The following COX10 variants were observed in gnomAD, a reference collection of about 807,000 sequenced individuals.
COX10 encodes the protein cytochrome c oxidase assembly factor heme A:farnesyltransferase COX10, also known as protoheme IX farnesyltransferase, mitochondrial.
COX10 carries 27 observed loss-of-function variants against 37.3 expected under a neutral mutation model. The ratio of observed to expected loss-of-function variants is 0.72; its 90% CI spans 0.53 to 1.00. The LOEUF (loss-of-function observed/expected upper bound fraction) is 1.00, where lower values mean the gene tolerates loss of function less well. Among genes scored for constraint, COX10 ranks in the 50% least tolerant of loss-of-function variants. The probability of loss-of-function intolerance (pLI) is 0.00; values close to 1 mark genes in which losing one functional copy is unlikely to be tolerated. For missense variants in COX10, 475 were observed against 563.2 expected, an observed-to-expected ratio of 0.84 and a Z score of 1.59; for synonymous variants, 222 against 229.1, an observed-to-expected ratio of 0.97 and a Z score of 0.28.
intron 5 of COX10, among the ~76,000 whole-genome samples, chr17:14,178,952 G>A (rs934900608): frequency 6.6e-6 from 1 of 152,210 alleles, no homozygotes; most frequent in African/African-American, 2.4e-5. Context: ...GAAGGATCCA[G>A]GGCAGCTTCC....
At chr17:14,185,307 C>G (rs1273867581) in intron 5 of COX10, among the ~76,000 whole-genome samples, 1 of 142,970 alleles carries the variant, frequency 7.0e-6, no homozygotes, top group Non-Finnish European at 1.5e-5. Context: ...TAATCAAAGG[C>G]TGAATGGTAT....
intron 5 of COX10, among the ~76,000 whole-genome samples, chr17:14,180,154 TC>T (rs1905813156): frequency 6.6e-6 from 1 of 151,530 alleles, no homozygotes; most frequent in Non-Finnish European, 1.5e-5. Context: ...GGCACACTAG[TC>T]TAGCAGACGG....
intron 3 of COX10, among the ~76,000 whole-genome samples, chr17:14,087,797 G>T (rs1915444191): frequency 6.6e-6 from 1 of 151,244 alleles, no homozygotes; most frequent in African/African-American, 2.4e-5. Flanking sequence ...GTATGTCTGT[G>T]TCCAGCCTCT....
intron 5 of COX10, chr17:14,177,372 A>C (rs1320872855): frequency 4.0e-6 from 2 of 497,324 alleles, no homozygotes; most frequent in African/African-American, 4.0e-5. Context: ...GTTTAAAAAA[A>C]ATGATTGTCT....
chr17:14,158,115 C>T (rs1905082663), intron 4 of COX10, among the ~76,000 whole-genome samples: 1 of 151,854 alleles, frequency 6.6e-6, no homozygotes, highest in South Asian at 2.1e-4. Context: ...GGAATCCTCA[C>T]TGTGGGTAAC....
At chr17:14,098,688 T>C (rs996527560) in intron 3 of COX10, among the ~76,000 whole-genome samples, 4 of 152,150 alleles carry the variant, frequency 2.6e-5, no homozygotes, top group Non-Finnish European at 5.9e-5. Flanking sequence ...TCGTTCCCCA[T>C]TGGCACAAGG....
intron 4 of COX10, among the ~76,000 whole-genome samples, chr17:14,118,362 A>T (rs1319363666): frequency 6.6e-6 from 1 of 152,056 alleles, no homozygotes; most frequent in African/African-American, 2.4e-5. Flanking sequence ...GTCTTCCCAC[A>T]GTGCACTCCT....
At chr17:14,094,392 G>A (rs1915598407) in intron 3 of COX10, among the ~76,000 whole-genome samples, 1 of 151,710 alleles carries the variant, frequency 6.6e-6, no homozygotes, top group Admixed American at 6.6e-5. Context: ...GCAAAATGTG[G>A]GTTTAAAAAG....
chr17:14,126,103 G>C (rs767201625), intron 4 of COX10, among the ~76,000 whole-genome samples: 1 of 151,754 alleles, frequency 6.6e-6, no homozygotes, highest in South Asian at 2.1e-4. Context: ...TTCATTGCTG[G>C]GTTTTTTTTT....
Position 14,192,036 on chromosome 17 carries a change from T to C in COX10, c.743T>C (p.Val248Ala). The change falls in exon 6 of 7, where the codon GTT (valine) becomes GCT (alanine). Residue 248 changes from valine (V) to alanine (A), a missense_variant. This residue lies in a region of COX10 where 54 missense variants were observed against 70.6 expected (regional missense o/e 0.76). Transcript: ENST00000261643. ...GCCACTTGTTGTGCTGTTCCGGGAGTTGCCATTCTGACCTTGGGGGTGAAT... is the reference window on the plus strand; with the variant it reads ...GCCACTTGTTGTGCTGTTCCGGGAGCTGCCATTCTGACCTTGGGGGTGAAT... ...SFATCCAVPG[V>A]AILTLGVNPL... 6.2e-7 allele frequency: 1 copy of C among 1,614,122 alleles called. No individual in the cohort carries two copies. Among genetic ancestry groups the C allele is most frequent in the Non-Finnish European group, 8.5e-7 (1 of 1,180,028 alleles).
At chr17:14,138,693 G>A (rs941841009) in intron 4 of COX10, among the ~76,000 whole-genome samples, 6 of 152,098 alleles carry the variant, frequency 3.9e-5, no homozygotes, top group African/African-American at 1.4e-4. Context: ...CTTATAATTA[G>A]CAGTTATAAT....
At chr17:14,199,735 G>A (rs535912625) in intron 6 of COX10, among the ~76,000 whole-genome samples, 2 of 152,248 alleles carry the variant, frequency 1.3e-5, no homozygotes, top group South Asian at 2.1e-4. Flanking sequence ...TGATAAACTG[G>A]CCCCACATCC....
At chr17:14,095,441 T>C (rs970298958) in intron 3 of COX10, among the ~76,000 whole-genome samples, 1 of 152,152 alleles carries the variant, frequency 6.6e-6, no homozygotes, top group African/African-American at 2.4e-5. Flanking sequence ...CTTTAAGTGG[T>C]TCCCTGAGTA....
rs1904681618 is a variant in COX10, at chr17:14,145,346, T to C, written c.625-14531T>C. On this transcript the variant is annotated intron_variant, in intron 4 of 6. Coordinates refer to ENST00000261643, the MANE Select transcript of COX10 (RefSeq NM_001303.4). ...TCCTCTTGTCCTATAAGGTGTCTTTTTCCAGCATAGCTCCACTGCTTAGGC... is the reference window on the plus strand; with the variant it reads ...TCCTCTTGTCCTATAAGGTGTCTTTCTCCAGCATAGCTCCACTGCTTAGGC... Among the ~76,000 whole-genome samples the C allele has an allele frequency of 3.9e-5, 6 of 152,168 alleles. No homozygotes were observed. The South Asian group carries it at 1.2e-3, about 32-fold the overall frequency.
At chr17:14,153,102 C>G (rs142654732) in intron 4 of COX10, among the ~76,000 whole-genome samples, 25 of 152,294 alleles carry the variant, frequency 1.6e-4, no homozygotes, top group Non-Finnish European at 3.2e-4. Flanking sequence ...CAATGTAGTT[C>G]TGGATTAACT....
intron 4 of COX10, among the ~76,000 whole-genome samples, chr17:14,113,987 G>C (rs557498412): frequency 6.6e-6 from 1 of 152,000 alleles, no homozygotes; most frequent in Non-Finnish European, 1.5e-5. Context: ...TGGCCTAATC[G>C]CCTCTCATTT....
chr17:14,122,485 A>G (rs1279133768), intron 4 of COX10, among the ~76,000 whole-genome samples: 1 of 152,208 alleles, frequency 6.6e-6, no homozygotes, highest in Non-Finnish European at 1.5e-5. Context: ...GAGGAAACCA[A>G]GGGACATTTA....
chr17:14,078,030 G>A (rs1915195450), intron 3 of COX10, among the ~76,000 whole-genome samples: 1 of 150,690 alleles, frequency 6.6e-6, no homozygotes, highest in East Asian at 2.0e-4. Flanking sequence ...AAAGAAAGTT[G>A]TTTTTGAAGA....
chr17:14,097,843 C>A (rs967058608), intron 3 of COX10, among the ~76,000 whole-genome samples: 1 of 152,080 alleles, frequency 6.6e-6, no homozygotes, highest in Non-Finnish European at 1.5e-5. Context: ...TATAATACAT[C>A]GTCCCTTGGA....
Sources: gnomAD v4.1 joint callset for allele counts (sites outside exome capture counted in the v4.1 genomes callset) on GRCh38, gnomAD v4.1.1 for gene constraint, gnomAD v4.1.1 regional missense constraint, MANE v1.5 for transcripts, NCBI Gene and HGNC (gene_info 2026-07-23, HGNC 2026-07-21) for gene names.